Variants in SAMSN1 observed in about 807,000 individuals in gnomAD.
SAMSN1 encodes the protein SAM domain, SH3 domain and nuclear localization signals 1.
SAMSN1 carries 31 observed loss-of-function variants against 42.0 expected under a neutral mutation model. The observed-to-expected ratio is 0.74, with a 90% CI of 0.55 to 1.00. SAMSN1 has a LOEUF of 1.00. Ranked by LOEUF, SAMSN1 falls within the 50% of genes least tolerant of loss-of-function variation. SAMSN1 has a pLI of 0.00. For synonymous variants in SAMSN1, 178 were observed against 151.9 expected (o/e 1.17, Z -1.26); for missense variants, 464 against 439.4 (o/e 1.06, Z -0.50).
chr21:14,553,605 T>A (rs1267479414), intron 2 of SAMSN1, among the ~76,000 whole-genome samples: 1 of 152,138 alleles, frequency 6.6e-6, no homozygotes, highest in African/African-American at 2.4e-5. Context: ...GAAACATATC[T>A]CCTTAACAGA....
chr21:14,643,702 A>T (rs1277646104), intron 1 of SAMSN1, among the ~76,000 whole-genome samples: 2 of 152,200 alleles, frequency 1.3e-5, no homozygotes, highest in African/African-American at 2.4e-5. Context: ...ACACCCTCAT[A>T]AGAATCAAAA....
chr21:14,625,667 T>C (rs903011511), intron 2 of SAMSN1, among the ~76,000 whole-genome samples: 2 of 152,154 alleles, frequency 1.3e-5, no homozygotes, highest in Non-Finnish European at 2.9e-5. Flanking sequence ...TGCTCATGGA[T>C]AGGAAGAATC....
intron 5 of SAMSN1, among the ~76,000 whole-genome samples, chr21:14,508,790 A>G (rs887719161): frequency 6.6e-5 from 10 of 152,236 alleles, no homozygotes; most frequent in African/African-American, 2.4e-4. Context: ...AATTGCAAAA[A>G]TATGGAACCA....
intron 5 of SAMSN1, among the ~76,000 whole-genome samples, chr21:14,503,301 T>C (rs976629036): frequency 2.0e-5 from 3 of 152,144 alleles, no homozygotes; most frequent in Non-Finnish European, 4.4e-5. Context: ...ACTGCCGTAT[T>C]GTAGAGAGGG....
chr21:14,632,318 T>A (rs1983352195), intron 2 of SAMSN1, among the ~76,000 whole-genome samples: 1 of 152,136 alleles, frequency 6.6e-6, no homozygotes, highest in African/African-American at 2.4e-5. Flanking sequence ...TAACCTGTAG[T>A]ATATTCCTTT....
intron 1 of SAMSN1, among the ~76,000 whole-genome samples, chr21:14,527,877 A>C (rs2822749): frequency 0.49 from 74,616 of 151,588 alleles, 20,825 homozygotes; most frequent in East Asian, 0.72. Context: ...AATGTACAAC[A>C]ATATCTCATT....
At chr21:14,582,464 G>A in exon 2 of SAMSN1, 1 of 1,328,958 alleles carries the variant, frequency 7.5e-7, no homozygotes. Context: ...TTTCAAACAA[G>A]AAATCAACGT....
intron 2 of SAMSN1, among the ~76,000 whole-genome samples, chr21:14,576,781 A>T (rs1221990053): frequency 6.6e-6 from 1 of 152,048 alleles, no homozygotes; most frequent in African/African-American, 2.4e-5. Context: ...GCTGTATATC[A>T]ACTACACTCA....
intron 1 of SAMSN1, chr21:14,582,561 A>G (rs916798590): frequency 1.5e-5 from 9 of 607,966 alleles, no homozygotes; most frequent in East Asian, 8.3e-5. Flanking sequence ...TTCCATTTAT[A>G]TAAGAGAAAT....
intron 1 of SAMSN1, among the ~76,000 whole-genome samples, chr21:14,529,366 C>G (rs1249423040): frequency 6.6e-6 from 1 of 152,164 alleles, no homozygotes; most frequent in Non-Finnish European, 1.5e-5. Context: ...TTGGGCAAAA[C>G]CATGGCAAAT....
chr21:14,543,714 T>C (rs1224381381), intron 1 of SAMSN1, among the ~76,000 whole-genome samples: 1 of 152,176 alleles, frequency 6.6e-6, no homozygotes, highest in African/African-American at 2.4e-5. Context: ...AATGATTAAA[T>C]ATTTTCTTCA....
chr21:14,601,595 T>A (rs1982433767), intron 6 of SAMSN1, among the ~76,000 whole-genome samples: 2 of 152,206 alleles, frequency 1.3e-5, no homozygotes, highest in Admixed American at 1.3e-4. Context: ...AATGTTACAT[T>A]ACTATTATTA....
rs144617918 is a variant in SAMSN1, at chr21:14,598,516, T to C, written c.399+3507A>G. Among the ~76,000 whole-genome samples, 1,128 of 152,218 alleles carry C rather than the reference T, an allele frequency of 7.4e-3. 13 individuals carry two copies. The highest frequency in any genetic ancestry group is 0.01 in the Non-Finnish European group (686 of 67,996). ...ACTGCTTTGCTTCAAGCTCTACCCA[T>C]CAGCACTTCTTCCACAAGCCTGGTT... On this transcript the variant is annotated intron_variant, in intron 6 of 15. Coordinates refer to the SAMSN1 transcript ENST00000647101.
upstream of SAMSN1, among the ~76,000 whole-genome samples, chr21:14,584,907 C>A (rs1163664417): frequency 6.6e-6 from 1 of 152,194 alleles, no homozygotes; most frequent in African/African-American, 2.4e-5. Flanking sequence ...CATTTCCAAT[C>A]TTTATACTCA....
At chr21:14,615,927 C>T (rs1229678716) in intron 3 of SAMSN1, 1 of 363,802 alleles carries the variant, frequency 2.7e-6, no homozygotes, top group South Asian at 4.9e-5. Flanking sequence ...TCACATTCAA[C>T]ATTACAGAAC....
At chr21:14,511,427 C>T (rs1987684168) in intron 4 of SAMSN1, among the ~76,000 whole-genome samples, 1 of 152,102 alleles carries the variant, frequency 6.6e-6, no homozygotes, top group Non-Finnish European at 1.5e-5. Context: ...TTTTAAACTT[C>T]CAGGAGAAAT....
At chr21:14,592,597 T>C (rs1169472747) in intron 7 of SAMSN1, 2 of 359,736 alleles carry the variant, frequency 5.6e-6, no homozygotes, top group East Asian at 1.7e-4. Flanking sequence ...GACATTTGAC[T>C]ACATAAGTAT....
chr21:14,652,651 C>T (rs1983854317), intron 1 of SAMSN1, among the ~76,000 whole-genome samples: 1 of 151,892 alleles, frequency 6.6e-6, no homozygotes, highest in Non-Finnish European at 1.5e-5. Flanking sequence ...AGCAATTCCC[C>T]ACAACTATAG....
At position 14,604,820 on chromosome 21, in the gene SAMSN1, A is replaced by C. The variant is rs372987628; in HGVS notation, c.323-2721T>G. Among the ~76,000 whole-genome samples, 116 of 152,362 alleles carry C rather than the reference A, an allele frequency of 7.6e-4. 1 individual carries two copies. The South Asian group carries it at 8.3e-3, about 11-fold the overall frequency. On this transcript the variant is annotated intron_variant, in intron 5 of 15. Transcript: ENST00000647101. ...AGTGAAGGAGCCTCTGTATGACTCC[A>C]GCTACCAGATGTCGAAGTCCTCCCC...
Sources: allele counts gnomAD v4.1 joint callset (sites outside exome capture counted in the v4.1 genomes callset), GRCh38; gene constraint gnomAD v4.1.1; transcripts MANE v1.5; gene names NCBI Gene and HGNC (gene_info 2026-07-23, HGNC 2026-07-21).